The following IKZF4 variants were observed in gnomAD, a reference collection of about 807,000 sequenced individuals.
IKZF4 encodes the protein zinc finger protein Eos.
In IKZF4, 11 loss-of-function variants were observed where a neutral mutation model predicts 47.7. That is an observed-to-expected ratio of 0.23 (90% CI 0.15 to 0.38). The LOEUF is 0.38. Ranked by LOEUF, IKZF4 falls within the 10% of genes least tolerant of loss-of-function variation. The pLI is 1.00. For synonymous variants in IKZF4, 298 were observed against 299.4 expected (o/e 1.00, Z 0.05); for missense variants, 557 against 784.9 (o/e 0.71, Z 3.47).
At chr12:56,014,975 T>C (rs1404633277) in intron 2 of IKZF4, among the ~76,000 whole-genome samples, 1 of 152,058 alleles carries the variant, frequency 6.6e-6, no homozygotes, top group Non-Finnish European at 1.5e-5. Flanking sequence ...CAGCCTCAGT[T>C]TCTCTCAGTT....
intron 1 of IKZF4, among the ~76,000 whole-genome samples, chr12:56,009,881 G>A (rs1891133025): frequency 1.3e-5 from 2 of 152,170 alleles, no homozygotes; most frequent in Non-Finnish European, 2.9e-5. Context: ...AAATGCAACT[G>A]AAAGTCTCTT....
chr12:56,019,045 A>G (rs565666846), upstream of IKZF4, among the ~76,000 whole-genome samples: 23 of 151,318 alleles, frequency 1.5e-4, no homozygotes, highest in African/African-American at 5.6e-4. Flanking sequence ...GTGAAGCCTC[A>G]TATCTACTAA....
upstream of IKZF4, chr12:56,007,613 T>C: frequency 6.4e-6 from 1 of 155,188 alleles, no homozygotes; most frequent in Non-Finnish European, 1.4e-5. Context: ...GTGACCCCAC[T>C]CCCCCCGCAC....
chr12:56,014,790 AC>A (rs1254219482), intron 2 of IKZF4, among the ~76,000 whole-genome samples: 16 of 152,060 alleles, frequency 1.1e-4, no homozygotes, highest in African/African-American at 3.6e-4. Flanking sequence ...AAAAAAAAAA[AC>A]AAAAACAAAA....
chr12:56,019,474 A>C, upstream of IKZF4: 1 of 473,000 alleles, frequency 2.1e-6, no homozygotes, highest in Non-Finnish European at 2.8e-6. Flanking sequence ...GGAATGGGTA[A>C]AGGCATTCAA....
At chr12:56,028,532 CAAAAAAAAAAAAAAA>C (rs56380320) in intron 5 of IKZF4, among the ~76,000 whole-genome samples, 4 of 52,948 alleles carry the variant, frequency 7.6e-5, no homozygotes, top group African/African-American at 2.4e-4. Context: ...CACTCAGTCT[CAAAAAAAAAAAAAAA>C]AAAAAAAAAA....
At chr12:56,018,676 G>A (rs1892450784), upstream of IKZF4, among the ~76,000 whole-genome samples, 1 of 151,552 alleles carries the variant, frequency 6.6e-6, no homozygotes, top group Admixed American at 6.6e-5. Flanking sequence ...AGGGACAGCA[G>A]CTTTCAGTGT....
At chr12:56,033,403 TG>T in intron 7 of IKZF4, 82 bp downstream of exon 7, 1 of 1,574,448 alleles carries the variant, frequency 6.4e-7, no homozygotes. Context: ...AGATTCGGTT[TG>T]GGGAAAGAAA....
intron 1 of IKZF4, 43 bp from the exon 2 acceptor site, chr12:56,023,628 G>C: frequency 1.2e-6 from 2 of 1,605,924 alleles, no homozygotes; most frequent in Non-Finnish European, 1.7e-6. Flanking sequence ...ATGGGAAATG[G>C]TCCCAAAGTC....
intron 2 of IKZF4, 194 bp downstream of exon 2, chr12:56,023,958 C>T: frequency 1.0e-6 from 1 of 979,038 alleles, no homozygotes; most frequent in Non-Finnish European, 1.2e-6. Context: ...TATGTTTATC[C>T]CAATAGGTAT....
In IKZF4 at chr12:56,026,922, G is replaced by C. The variant is rs146915234; in HGVS notation, c.428G>C (p.Gly143Ala). 138 of 1,612,966 alleles carry C rather than the reference G, an allele frequency of 8.6e-5. No individual in the cohort carries two copies. The East Asian group carries it at 2.2e-3, about 26-fold the overall frequency. The change falls in exon 4 of 8, where the codon GGG becomes GCG. Residue 143 changes from glycine to alanine, a missense_variant. Gly to Ala is a moderately conservative substitution (Grantham distance 60). Around this residue, in one of 6 missense-constraint regions of IKZF4, gnomAD observed 112 missense variants for 168.2 expected, o/e 0.67. Transcript: ENST00000547167. ...SEPLGYCDGSGPEPHSPGGIR... is the reference protein window; with the variant it reads ...SEPLGYCDGSAPEPHSPGGIR... Reference sequence around the variant, plus strand: ...CCCCTGGGCTACTGTGATGGGAGTGGGCCAGAGCCTCACTCCCCTGGGGGC... The same window carrying C: ...CCCCTGGGCTACTGTGATGGGAGTGCGCCAGAGCCTCACTCCCCTGGGGGC...
upstream of IKZF4, among the ~76,000 whole-genome samples, chr12:56,018,436 A>G (rs553704959): frequency 5.7e-4 from 87 of 152,350 alleles, no homozygotes; most frequent in African/African-American, 2.1e-3. Flanking sequence ...CATTAGAAGA[A>G]TAATTTGAAG....
chr12:56,027,147 G>T, intron 4 of IKZF4, 106 bp downstream of exon 4: 2 of 1,164,550 alleles, frequency 1.7e-6, no homozygotes, highest in Non-Finnish European at 2.2e-6. Flanking sequence ...GTCATGCAGG[G>T]AGTGGGTAGC....
chr12:56,035,072 A>G lies in IKZF4; in HGVS notation c.1499A>G (p.Lys500Arg), dbSNP rs1332434307. 2.5e-6 allele frequency: 4 copies of G among 1,590,782 alleles called. No homozygotes were observed. In the South Asian group the frequency reaches 4.6e-5, roughly 18 times the overall value. The change falls in exon 8 of 8, where the codon AAG becomes AGG. Residue 500 changes from lysine to arginine, a missense_variant. By Grantham distance (26) the Lys-to-Arg change is conservative. Coordinates refer to ENST00000547167, the MANE Select transcript of IKZF4 (RefSeq NM_022465.4). This position sits in a 1 kb window ranked among gnomAD's most constrained non-coding sequence, Gnocchi z 6.1. ...HSPAYAKEDP[K>R]PQEGLLRGTP... ...CCTGCCTACGCCAAAGAGGACCCCAAGCCACAGGAGGGGTTATTGCGGGGC... is the reference window on the plus strand; with the variant it reads ...CCTGCCTACGCCAAAGAGGACCCCAGGCCACAGGAGGGGTTATTGCGGGGC...
In IKZF4 at chr12:56,035,093, G is replaced by A. The variant is rs777542148; in HGVS notation, c.1520G>A (p.Arg507Gln). 1.0e-5 allele frequency: 16 copies of A among 1,605,734 alleles called. No individual in the cohort carries two copies. The highest frequency in any genetic ancestry group is 3.4e-5 in the Admixed American group (2 of 59,430). ...EDPKPQEGLL[R>Q]GTPGPSKEVL... The stretch of plus-strand genomic sequence containing the variant: ...CCCAAGCCACAGGAGGGGTTATTGC[G>A]GGGCACCCCAGGCCCCTCCAAGGAA... The change falls in exon 8 of 8, where the codon CGG becomes CAG. Residue 507 changes from arginine to glutamine, a missense_variant. Physicochemically the swap from Arg to Gln is conservative, Grantham distance 43. This residue lies in a region of IKZF4 where 280 missense variants were observed against 314.0 expected (regional missense o/e 0.89). Coordinates refer to ENST00000547167, the MANE Select transcript of IKZF4 (RefSeq NM_022465.4). This position sits in a 1 kb window ranked among gnomAD's most constrained non-coding sequence, Gnocchi z 6.1.
In IKZF4 at chr12:56,035,685, AATTT is replaced by A; in HGVS notation, c.*355_*358del. ...CCACAACTCCTTTCCACTTTAGGCC[AATTT>A]TTCTCTCTTAGATCTTCCAGCAGCC... On this transcript the variant is annotated 3_prime_UTR_variant, in exon 8 of 8. Coordinates refer to ENST00000547167, the MANE Select transcript of IKZF4 (RefSeq NM_022465.4). This position sits in a 1 kb window ranked among gnomAD's most constrained non-coding sequence, Gnocchi z 6.1. The A allele has an allele frequency of 5.2e-6, 1 of 190,992 alleles. No individual in the cohort carries two copies. Among genetic ancestry groups the A allele is most frequent in the South Asian group, 1.3e-4 (1 of 7,786 alleles). 11.8% of individuals were successfully genotyped at this position (190,992 alleles called of 1,614,324 possible).
At chr12:56,023,583 G>T in intron 1 of IKZF4, 88 bp from the exon 2 acceptor site, 1 of 1,470,398 alleles carries the variant, frequency 6.8e-7, no homozygotes, top group Non-Finnish European at 9.2e-7. Flanking sequence ...TGACGGGATA[G>T]AATGGGGAAA....
intron 3 of IKZF4, among the ~76,000 whole-genome samples, chr12:56,026,438 C>A (rs1001322744): frequency 6.6e-6 from 1 of 151,450 alleles, no homozygotes; most frequent in African/African-American, 2.4e-5. Flanking sequence ...ACCTGTAATC[C>A]CAGCACTTTG....
Position 56,027,893 on chromosome 12 carries a change from A to T in IKZF4, c.661A>T (p.Asn221Tyr). 6.2e-7 allele frequency: 1 copy of T among 1,602,944 alleles called. No homozygotes were observed. Among genetic ancestry groups the T allele is most frequent in the Middle Eastern group, 1.7e-4 (1 of 6,028 alleles). The part of the protein sequence containing the change: ...GEKPFKCPFC[N>Y]YACRRRDALT... ...GAAGCCCTTTAAATGTCCCTTCTGCAACTATGCCTGCCGCCGGCGTGATGC... is the reference window on the plus strand; with the variant it reads ...GAAGCCCTTTAAATGTCCCTTCTGCTACTATGCCTGCCGCCGGCGTGATGC... Residue 221 changes from asparagine to tyrosine, a missense_variant, in exon 5 of 8, where the codon AAC becomes TAC. This residue lies in a region of IKZF4 where 72 missense variants were observed against 112.4 expected (regional missense o/e 0.64). Transcript: ENST00000547167.
Sources: gnomAD v4.1 joint callset for allele counts (sites outside exome capture counted in the v4.1 genomes callset) on GRCh38, gnomAD v4.1.1 for gene constraint, gnomAD v4.1.1 regional missense constraint, Gnocchi (gnomAD v3.1) non-coding constraint, MANE v1.5 for transcripts, NCBI Gene and HGNC (gene_info 2026-07-23, HGNC 2026-07-21) for gene names.